Variants in RELN observed in about 807,000 individuals in gnomAD.
RELN encodes the protein reelin.
Under a neutral mutation model 427.6 loss-of-function variants are expected in RELN, and 108 were observed. The ratio of observed to expected loss-of-function variants is 0.25; its 90% confidence interval spans 0.22 to 0.30. RELN has a LOEUF of 0.30. Ranked by LOEUF, RELN falls within the 10% of genes least tolerant of loss-of-function variation. The probability of loss-of-function intolerance (pLI) is 1.00; values close to 1 mark genes in which losing one functional copy is unlikely to be tolerated. For missense variants in RELN, 3,715 were observed against 4,302.8 expected, an observed-to-expected ratio of 0.86 and a Z score of 3.82; for synonymous variants, 1,524 against 1,513.4, an observed-to-expected ratio of 1.01 and a Z score of -0.16.
At chr7:103,740,372 A>T (rs1055781993) in intron 6 of RELN, among the ~76,000 whole-genome samples, 5 of 152,224 alleles carry the variant, frequency 3.3e-5, no homozygotes, top group African/African-American at 9.6e-5. Flanking sequence ...CTGGAGAAAG[A>T]ATAAAGGTCT....
intron 43 of RELN, 55 bp from the exon 44 acceptor site, chr7:103,540,510 T>G: frequency 6.3e-7 from 1 of 1,577,492 alleles, no homozygotes; most frequent in South Asian, 1.1e-5. Flanking sequence ...ATCCACATGC[T>G]TAACAACAGA....
intron 24 of RELN, among the ~76,000 whole-genome samples, chr7:103,599,020 A>T (rs80137730): frequency 6.6e-6 from 1 of 152,318 alleles, no homozygotes; most frequent in East Asian, 1.9e-4. Flanking sequence ...TCTAGGTTAA[A>T]ATGATTTACT....
At chr7:103,667,487 G>A (rs187637484) in intron 11 of RELN, among the ~76,000 whole-genome samples, 1 of 152,198 alleles carries the variant, frequency 6.6e-6, no homozygotes, top group African/African-American at 2.4e-5. Flanking sequence ...GTTAGTTACT[G>A]AATATTAATA....
At position 103,472,223 on chromosome 7, in the gene RELN, T is replaced by C. The variant is rs1195516445; in HGVS notation, c.*589A>G. 1.3e-5 allele frequency: 2 copies of C among 157,516 alleles called. No individual in the cohort carries two copies. The highest frequency in any genetic ancestry group is 2.4e-5 in the African/African-American group (1 of 41,462). The allele number at this position is 157,516 out of a possible 1,614,324, so 9.8% of individuals were successfully genotyped here. On this transcript the variant is annotated 3_prime_UTR_variant, in exon 65 of 65. Transcript: ENST00000428762. ...TTTTTAAGGAGTATATTAAAGGAGA[T>C]ACAATATCTTTACAACTATCTTCTT...
At chr7:103,836,000 G>A (rs1245099542) in intron 2 of RELN, among the ~76,000 whole-genome samples, 1 of 148,744 alleles carries the variant, frequency 6.7e-6, no homozygotes, top group East Asian at 2.0e-4. Context: ...CCGTCACCCA[G>A]GCTAGAGCGC....
Position 103,496,775 on chromosome 7 carries a change from T to TAACA in RELN, c.8951-11_8951-8dup, listed in dbSNP as rs1554364085. 2 of 1,613,432 alleles carry TAACA rather than the reference T, an allele frequency of 1.2e-6. No individual in the cohort carries two copies. Among genetic ancestry groups the TAACA allele is most frequent in the Admixed American group, 3.3e-5 (2 of 59,994 alleles). On this transcript the variant is annotated splice_region_variant and splice_polypyrimidine_tract_variant and intron_variant, in intron 55 of 64. Transcript: ENST00000428762. ...AGCAAAGTCCAGGTAATTCCTATAA[T>TAACA]AACAAATATACCAACATAGCAATAT...
At chr7:103,744,853 C>A (rs1372266582) in intron 6 of RELN, among the ~76,000 whole-genome samples, 1 of 152,170 alleles carries the variant, frequency 6.6e-6, no homozygotes, top group Admixed American at 6.5e-5. Flanking sequence ...GGAGCTGGTA[C>A]CATTCCTTCT....
In RELN at chr7:103,481,210, G is replaced by C. The variant is rs201763848; in HGVS notation, c.10280+1663C>G. ...TATAAGTGAGGAAATTACTGGTGAT[G>C]ATATGTCTCTGAAATCCAAAATAGG... On this transcript the variant is annotated intron_variant, in intron 63 of 64. Transcript: ENST00000428762. Among the ~76,000 whole-genome samples, 6 of 152,306 alleles carry C rather than the reference G, an allele frequency of 3.9e-5. No homozygotes were observed. The East Asian group carries it at 1.2e-3, about 29-fold the overall frequency.
chr7:103,938,122 A>G (rs952224896), intron 1 of RELN, among the ~76,000 whole-genome samples: 1 of 152,088 alleles, frequency 6.6e-6, no homozygotes, highest in Non-Finnish European at 1.5e-5. Context: ...GGAGTTAGAG[A>G]CCAGCCTGGC....
chr7:103,487,358 A>G (rs2116990024), intron 60 of RELN, among the ~76,000 whole-genome samples: 1 of 151,906 alleles, frequency 6.6e-6, no homozygotes, highest in South Asian at 2.1e-4. Context: ...TACCTATGTA[A>G]CAAACCTGCA....
chr7:103,918,025 A>G (rs972134040), intron 1 of RELN, among the ~76,000 whole-genome samples: 1 of 152,150 alleles, frequency 6.6e-6, no homozygotes, highest in Non-Finnish European at 1.5e-5. Context: ...GGTAGTGCAC[A>G]GTACAAGGCT....
At chr7:103,931,125 C>T (rs774898577) in intron 1 of RELN, among the ~76,000 whole-genome samples, 14 of 152,166 alleles carry the variant, frequency 9.2e-5, no homozygotes, top group African/African-American at 2.2e-4. Flanking sequence ...TTTTATTAGG[C>T]GGGTACCAAG....
Position 103,575,679 on chromosome 7 carries a change from T to C in RELN, c.4172A>G (p.Glu1391Gly). Residue 1391 changes from glutamate (E) to glycine (G), a missense_variant, in exon 29 of 65, where the codon GAG becomes GGG. By Grantham distance (98) the Glu-to-Gly change is moderately conservative. This residue lies in a region of RELN where 2,208 missense variants were observed against 2,361.7 expected (regional missense o/e 0.93). Transcript: ENST00000428762. The stretch of plus-strand genomic sequence containing the variant: ...AGGCACGTTTTTCTGTGAGCTGCTC[T>C]CCTGGATCCATCGGAATCTGGTCTT... Reference protein sequence around the residue: ...SSKTRFRWIQESSSQKNVPPF... With the variant: ...SSKTRFRWIQGSSSQKNVPPF... The C allele has an allele frequency of 6.2e-7, 1 of 1,614,172 alleles. No homozygotes were observed. Among genetic ancestry groups the C allele is most frequent in the Non-Finnish European group, 8.5e-7 (1 of 1,180,010 alleles).
chr7:103,908,738 T>G (rs1402386115), intron 2 of RELN, among the ~76,000 whole-genome samples: 1 of 152,188 alleles, frequency 6.6e-6, no homozygotes, highest in Non-Finnish European at 1.5e-5. Context: ...AAATATAAAC[T>G]AGATAAAACT....
At chr7:103,920,325 T>C (rs1563091901) in intron 1 of RELN, among the ~76,000 whole-genome samples, 2 of 152,174 alleles carry the variant, frequency 1.3e-5, no homozygotes, top group Admixed American at 6.6e-5. Flanking sequence ...ATATTCGAAC[T>C]ACTTTTAAGA....
At chr7:103,498,594 C>T (rs879891758) in intron 53 of RELN, among the ~76,000 whole-genome samples, 2 of 151,978 alleles carry the variant, frequency 1.3e-5, no homozygotes, top group Non-Finnish European at 2.9e-5. Flanking sequence ...CGGGTTCAAG[C>T]AATTCTCATG....
intron 2 of RELN, among the ~76,000 whole-genome samples, chr7:103,847,663 T>C (rs974100223): frequency 2.0e-5 from 3 of 152,186 alleles, no homozygotes; most frequent in African/African-American, 7.2e-5. Context: ...CTTGAGAATA[T>C]TGGAGGTAGC....
chr7:103,923,293 G>C (rs957758494), intron 1 of RELN, among the ~76,000 whole-genome samples: 2 of 152,046 alleles, frequency 1.3e-5, no homozygotes, highest in African/African-American at 2.4e-5. Context: ...GCACCAAATA[G>C]AGACCATAAA....
chr7:103,941,077 C>T (rs1481411335), intron 1 of RELN, among the ~76,000 whole-genome samples: 1 of 152,148 alleles, frequency 6.6e-6, no homozygotes, highest in Non-Finnish European at 1.5e-5. Context: ...GGTCACCTCC[C>T]CTTCCCTTCC....
Sources: allele counts gnomAD v4.1 joint callset (sites outside exome capture counted in the v4.1 genomes callset), GRCh38; gene constraint gnomAD v4.1.1; regional missense constraint gnomAD v4.1.1; transcripts MANE v1.5; gene names NCBI Gene and HGNC (gene_info 2026-07-23, HGNC 2026-07-21).